Variants in FER observed in about 807,000 individuals in gnomAD.
FER encodes tyrosine-protein kinase Fer.
Under a neutral mutation model 111.0 loss-of-function variants are expected in FER, and 63 were observed. The observed-to-expected ratio is 0.57, with a 90% CI of 0.46 to 0.70. The LOEUF (loss-of-function observed/expected upper bound fraction) is 0.70, where lower values mean the gene tolerates loss of function less well. Ranked by LOEUF, FER falls within the 30% of genes least tolerant of loss-of-function variation. The probability of loss-of-function intolerance (pLI) is 0.00; values close to 1 mark genes in which losing one functional copy is unlikely to be tolerated. For synonymous variants in FER, 327 were observed against 313.9 expected, an observed-to-expected ratio of 1.04 and a Z score of -0.44; for missense variants, 914 against 954.0, an observed-to-expected ratio of 0.96 and a Z score of 0.55.
At chr5:109,034,153 C>T (rs1288956475) in intron 13 of FER, among the ~76,000 whole-genome samples, 5 of 152,202 alleles carry the variant, frequency 3.3e-5, no homozygotes, top group South Asian at 2.1e-4. Context: ...ACCCCTCACA[C>T]CTCCTGTTTC....
chr5:108,871,120 A>G (rs928314960), intron 6 of FER, among the ~76,000 whole-genome samples: 4 of 152,118 alleles, frequency 2.6e-5, no homozygotes, highest in African/African-American at 9.6e-5. Context: ...TACATTTTTG[A>G]AAAGGTAATG....
chr5:109,160,197 C>G (rs570446190), intron 17 of FER, among the ~76,000 whole-genome samples: 3 of 152,146 alleles, frequency 2.0e-5, no homozygotes, highest in Non-Finnish European at 4.4e-5. Flanking sequence ...ATACAGGTAA[C>G]TCTTAGGATT....
intron 11 of FER, among the ~76,000 whole-genome samples, chr5:108,946,642 A>G (rs546943753): frequency 6.6e-6 from 1 of 152,140 alleles, no homozygotes; most frequent in Non-Finnish European, 1.5e-5. Flanking sequence ...TATTTTAAAG[A>G]ACATTTTGAT....
intron 13 of FER, among the ~76,000 whole-genome samples, chr5:108,963,634 A>G (rs561859016): frequency 1.2e-3 from 176 of 152,332 alleles, no homozygotes; most frequent in Middle Eastern, 6.8e-3. Flanking sequence ...ACCTTAGACA[A>G]CCAGCTTAAA....
chr5:109,146,259 TATATATA>T (rs1561953872), intron 17 of FER, among the ~76,000 whole-genome samples: 2 of 78,844 alleles, frequency 2.5e-5, no homozygotes, highest in African/African-American at 1.1e-4. Context: ...ATCTAATATA[TATATATA>T]TATATATATA....
intron 13 of FER, among the ~76,000 whole-genome samples, chr5:109,000,540 A>G (rs1045502909): frequency 2.6e-5 from 4 of 152,180 alleles, no homozygotes; most frequent in Non-Finnish European, 5.9e-5. Flanking sequence ...AAATGCCCAC[A>G]AGAGAAAGCA....
rs558306760 is a variant in FER at position 108,821,857 on chromosome 5, A to C, written c.208-10913A>C. Among the ~76,000 whole-genome samples, 3 of 152,210 alleles carry C rather than the reference A, an allele frequency of 2.0e-5. No individual in the cohort carries two copies. In the South Asian group the frequency reaches 6.2e-4, roughly 32 times the overall value. The stretch of plus-strand genomic sequence containing the variant: ...ATAGTTATTATTTCTTTTCATGAGG[A>C]GAACACTTAAGATACGTACTCTCTT... On this transcript the variant is annotated intron_variant, in intron 3 of 19. Transcript: ENST00000281092.
At chr5:109,142,147 G>A (rs1753590507) in intron 17 of FER, among the ~76,000 whole-genome samples, 1 of 152,148 alleles carries the variant, frequency 6.6e-6, no homozygotes, top group Non-Finnish European at 1.5e-5. Flanking sequence ...GATAGAGTGG[G>A]AAGGAGGATA....
At chr5:108,862,962 C>T (rs1430105338) in intron 5 of FER, among the ~76,000 whole-genome samples, 1 of 152,062 alleles carries the variant, frequency 6.6e-6, no homozygotes, top group Non-Finnish European at 1.5e-5. Context: ...AGCTTCTAGC[C>T]AAAATATTGG....
intron 1 of FER, among the ~76,000 whole-genome samples, chr5:108,751,627 T>C (rs1750521951): frequency 6.6e-6 from 1 of 152,230 alleles, no homozygotes; most frequent in African/African-American, 2.4e-5. Context: ...GTCAATCTTA[T>C]GTCTGTTCAT....
intron 17 of FER, 73 bp downstream of exon 17, chr5:109,100,592 A>C: frequency 1.4e-6 from 2 of 1,406,286 alleles, no homozygotes; most frequent in Non-Finnish European, 1.9e-6. Context: ...ATTTGCTACA[A>C]TAGAAGTCAT....
intron 10 of FER, among the ~76,000 whole-genome samples, chr5:108,904,946 A>G (rs114580937): frequency 0.015 from 2,359 of 152,230 alleles, 29 homozygotes; most frequent in Non-Finnish European, 0.023. Flanking sequence ...TCTGACACCT[A>G]AAGTATATTT....
intron 9 of FER, chr5:108,894,355 G>T: frequency 1.0e-6 from 1 of 990,838 alleles, no homozygotes; most frequent in Non-Finnish European, 1.3e-6. Context: ...CACTGTTTCT[G>T]CTGCAAGGGT....
chr5:108,816,776 C>A (rs566722725), intron 3 of FER, among the ~76,000 whole-genome samples: 1 of 152,092 alleles, frequency 6.6e-6, no homozygotes, highest in African/African-American at 2.4e-5. Context: ...GAATCTATGG[C>A]CTTAGAGCCA....
At chr5:108,896,913 G>A (rs1312871948) in intron 9 of FER, among the ~76,000 whole-genome samples, 1 of 152,074 alleles carries the variant, frequency 6.6e-6, no homozygotes, top group Middle Eastern at 3.2e-3. Flanking sequence ...GTAATATATA[G>A]TGTGGGCTAT....
chr5:108,951,460 G>A (rs774228096), intron 11 of FER, among the ~76,000 whole-genome samples: 27 of 151,798 alleles, frequency 1.8e-4, no homozygotes, highest in Non-Finnish European at 3.5e-4. Context: ...GAGTCTTAAC[G>A]GAATTTTTGA....
chr5:109,168,174 A>G (rs1756748955), intron 17 of FER, among the ~76,000 whole-genome samples: 1 of 152,220 alleles, frequency 6.6e-6, no homozygotes, highest in African/African-American at 2.4e-5. Flanking sequence ...ATGTCCCGGT[A>G]TCTTTTAAGT....
chr5:108,846,356 C>T (rs370514925), intron 5 of FER, among the ~76,000 whole-genome samples: 2 of 151,794 alleles, frequency 1.3e-5, no homozygotes, highest in Non-Finnish European at 1.5e-5. Flanking sequence ...GGGAGGATCG[C>T]TTGAGCCTAG....
intron 2 of FER, among the ~76,000 whole-genome samples, chr5:108,770,596 G>A (rs775036550): frequency 4.0e-5 from 6 of 151,818 alleles, no homozygotes; most frequent in Non-Finnish European, 7.4e-5. Context: ...TGTGCAGGCT[G>A]TTCTCCTGAG....
Sources: gnomAD v4.1 joint callset for allele counts (sites outside exome capture counted in the v4.1 genomes callset) on GRCh38, gnomAD v4.1.1 for gene constraint, MANE v1.5 for transcripts, NCBI Gene and HGNC (gene_info 2026-07-23, HGNC 2026-07-21) for gene names.